Variants in SLC38A8 observed in about 807,000 individuals in gnomAD.
The protein encoded by SLC38A8 is solute carrier family 38 member 8, also known as amino acid transporter SLC38A8.
A neutral mutation model predicts 46.0 loss-of-function variants in SLC38A8; 65 were observed. That is an observed-to-expected ratio of 1.41 (90% CI 1.16 to 1.74). SLC38A8 has a LOEUF of 1.74. Among genes scored for constraint, SLC38A8 ranks in the 40% most tolerant of loss-of-function variants. The pLI is 0.00. For synonymous variants in SLC38A8, 447 were observed against 243.7 expected (o/e 1.83, Z -7.77); for missense variants, 998 against 567.9 (o/e 1.76, Z -7.70).
intron 6 of SLC38A8, among the ~76,000 whole-genome samples, chr16:84,024,860 T>C (rs2085143264): frequency 6.6e-6 from 1 of 152,128 alleles, no homozygotes; most frequent in African/African-American, 2.4e-5. Flanking sequence ...TTTATATTTT[T>C]GGTAGAGACA....
At chr16:84,035,402 A>T (rs531747295) in intron 3 of SLC38A8, among the ~76,000 whole-genome samples, 1 of 152,350 alleles carries the variant, frequency 6.6e-6, no homozygotes, top group East Asian at 1.9e-4. Context: ...CACACAGAAC[A>T]CACACATGGC....
intron 2 of SLC38A8, among the ~76,000 whole-genome samples, chr16:84,040,525 T>A (rs980499200): frequency 6.6e-6 from 1 of 152,326 alleles, no homozygotes; most frequent in South Asian, 2.1e-4. Flanking sequence ...CTCTGGCTCA[T>A]GGCCATTCCT....
intron 4 of SLC38A8, among the ~76,000 whole-genome samples, chr16:84,032,447 A>C (rs1015115712): frequency 6.6e-6 from 1 of 152,224 alleles, no homozygotes; most frequent in Admixed American, 6.5e-5. Context: ...TTGGCCTCCC[A>C]AAGTGCTGGA....
intron 2 of SLC38A8, 30 bp from the exon 3 acceptor site, chr16:84,036,930 G>C (rs981580719): frequency 3.2e-6 from 5 of 1,581,294 alleles, no homozygotes; most frequent in East Asian, 2.3e-5. Context: ...CCTGGAACTG[G>C]GGTGTGCCCA....
Position 84,036,717 on chromosome 16 carries a change from C to A in SLC38A8, c.373G>T (p.Asp125Tyr). 3.7e-6 allele frequency: 6 copies of A among 1,614,180 alleles called. No individual in the cohort carries two copies. The highest frequency in any genetic ancestry group is 5.1e-6 in the Non-Finnish European group (6 of 1,180,042). ...AGGTACTTACGCTTCTCCAGCTGGTCCCCGATCACCCTGAGGAAGGCCACG... is the reference window on the plus strand; with the variant it reads ...AGGTACTTACGCTTCTCCAGCTGGTACCCGATCACCCTGAGGAAGGCCACG... ...ISVAFLRVIG[D>Y]QLEKLCDSLL... The change falls in exon 3 of 11, where the codon GAC becomes TAC. Residue 125 changes from aspartate (D) to tyrosine (Y), a missense_variant. By Grantham distance (160) the Asp-to-Tyr change is radical (BLOSUM62 -3). Coordinates refer to ENST00000299709, the MANE Select transcript of SLC38A8 (RefSeq NM_001080442.3).
Position 84,022,999 on chromosome 16 carries a change from C to A in SLC38A8, c.691-110G>T. On this transcript the variant is annotated intron_variant, in intron 6 of 10. Coordinates refer to ENST00000299709, the MANE Select transcript of SLC38A8 (RefSeq NM_001080442.3). ...AAATGTGGGATATGATGAGGTTTCT[C>A]TTGAAATAGCCTGATCAATCCTTTA... The A allele has an allele frequency of 5.7e-6, 4 of 697,816 alleles. No individual in the cohort carries two copies. In the South Asian group the frequency reaches 7.7e-5, roughly 13 times the overall value. The allele number at this position is 697,816 out of a possible 1,614,324, so 43.2% of individuals were successfully genotyped here.
chr16:84,042,099 G>A lies in SLC38A8; in HGVS notation c.59C>T (p.Ala20Val), dbSNP rs150483726. 3.7e-6 allele frequency: 6 copies of A among 1,614,042 alleles called. No individual in the cohort carries two copies. Among genetic ancestry groups the A allele is most frequent in the Non-Finnish European group, 5.1e-6 (6 of 1,179,990 alleles). The change falls in exon 2 of 11, where the codon GCT becomes GTT. Residue 20 changes from alanine to valine, a missense_variant. Ala to Val is a moderately conservative substitution (Grantham distance 64). Transcript: ENST00000299709. ...GCCCATCGAGGACAGAGTGGCAGCA[G>A]CCGTGGCAGGGTGAGGCTTTTCTGG... ...GLPEKPHPAT[A>V]AATLSSMGAV...
At chr16:84,012,243 C>T (rs1180567348) in intron 10 of SLC38A8, among the ~76,000 whole-genome samples, 2 of 152,226 alleles carry the variant, frequency 1.3e-5, no homozygotes, top group African/African-American at 4.8e-5. Context: ...CCCCAGACTA[C>T]CCAGGGGCGG....
Position 84,033,533 on chromosome 16 carries a change from C to G in SLC38A8, c.389-64G>C, listed in dbSNP as rs1308151623. 3.3e-5 allele frequency: 50 copies of G among 1,506,006 alleles called. No individual in the cohort carries two copies. The Admixed American group carries it at 7.1e-4, about 21-fold the overall frequency. 93.3% of individuals were successfully genotyped at this position (1,506,006 alleles called of 1,614,324 possible). On this transcript the variant is annotated intron_variant, in intron 3 of 10. Transcript: ENST00000299709. ...AATGCCGTGGGTTCTCGGCTCCCAC[C>G]TGGCCCTTCAACCCTGGCTGGGGTT...
In SLC38A8 at chr16:84,030,196, C is replaced by A. The variant is rs567951170; in HGVS notation, c.633-645G>T. On this transcript the variant is annotated intron_variant, in intron 5 of 10. Transcript: ENST00000299709. Reference sequence around the variant, plus strand: ...AGTGATCCGTCTATCAGCCAAGGAACACAGATCGCCGCGGCCCCCAGAAGC... The same window carrying A: ...AGTGATCCGTCTATCAGCCAAGGAAAACAGATCGCCGCGGCCCCCAGAAGC... 4.2e-3 allele frequency among the ~76,000 whole-genome samples: 637 copies of A among 152,246 alleles called. 4 individuals carry two copies. Among genetic ancestry groups the A allele is most frequent in the Non-Finnish European group, 6.3e-3 (429 of 68,018 alleles).
At chr16:84,014,191 G>A (rs933781768) in intron 9 of SLC38A8, among the ~76,000 whole-genome samples, 2 of 150,620 alleles carry the variant, frequency 1.3e-5, no homozygotes, top group African/African-American at 4.9e-5. Flanking sequence ...CCCGCCCAGA[G>A]CCAAGGGAGG....
At chr16:84,021,927 G>T (rs1046544655) in intron 7 of SLC38A8, among the ~76,000 whole-genome samples, 3 of 152,200 alleles carry the variant, frequency 2.0e-5, no homozygotes, top group Non-Finnish European at 4.4e-5. Flanking sequence ...CTGAGTGTGT[G>T]AGCCCAGGTC....
At chr16:84,015,631 T>A (rs16962532) in intron 9 of SLC38A8, among the ~76,000 whole-genome samples, 1,857 of 152,140 alleles carry the variant, frequency 0.012, 38 homozygotes, top group African/African-American at 0.042. Context: ...TAAACGTTCC[T>A]ACGTCAAGAA....
chr16:84,016,665 G>T lies in SLC38A8; in HGVS notation c.1016C>A (p.Ala339Asp), dbSNP rs147289037. 5 of 1,613,516 alleles carry T rather than the reference G, an allele frequency of 3.1e-6. No individual in the cohort carries two copies. The highest frequency in any genetic ancestry group is 1.3e-5 in the African/African-American group (1 of 74,936). ...CLGGWGPSALADPSGLWVRMP... is the reference protein window; with the variant it reads ...CLGGWGPSALDDPSGLWVRMP... Reference sequence around the variant, plus strand: ...CCGGACCCACAGCCCTGAGGGGTCGGCCAGGGCGCTGGGCCCCCATCCCCC... The same window carrying T: ...CCGGACCCACAGCCCTGAGGGGTCGTCCAGGGCGCTGGGCCCCCATCCCCC... The change falls in exon 9 of 11, where the codon GCC (alanine) becomes GAC (aspartate). Residue 339 changes from alanine (A) to aspartate (D), a missense_variant. Ala to Asp is a moderately radical substitution (Grantham distance 126). Coordinates refer to ENST00000299709, the MANE Select transcript of SLC38A8 (RefSeq NM_001080442.3).
intron 6 of SLC38A8, among the ~76,000 whole-genome samples, chr16:84,024,442 G>C (rs889373703): frequency 6.6e-6 from 1 of 152,020 alleles, no homozygotes; most frequent in African/African-American, 2.4e-5. Context: ...GCCTCCCTAA[G>C]TGCTGAGATT....
At chr16:84,013,157 CGCCCA>C in intron 9 of SLC38A8, 105 bp from the exon 10 acceptor site, 2 of 1,313,052 alleles carry the variant, frequency 1.5e-6, no homozygotes, top group Non-Finnish European at 2.1e-6. Flanking sequence ...GCAAGGCCTC[CGCCCA>C]TGGGTGCCCC....
intron 6 of SLC38A8, among the ~76,000 whole-genome samples, chr16:84,025,777 T>C (rs998765291): frequency 1.3e-5 from 2 of 152,244 alleles, no homozygotes; most frequent in African/African-American, 4.8e-5. Context: ...GAGGGCACAG[T>C]GGCCTCCTCC....
At chr16:84,011,235 T>A (rs772497525) in intron 10 of SLC38A8, among the ~76,000 whole-genome samples, 26 of 152,178 alleles carry the variant, frequency 1.7e-4, no homozygotes, top group Non-Finnish European at 3.1e-4. Context: ...AAAGCAGTTT[T>A]AACGATAAAA....
intron 7 of SLC38A8, among the ~76,000 whole-genome samples, chr16:84,022,177 G>T (rs1253288844): frequency 2.0e-5 from 3 of 152,190 alleles, no homozygotes; most frequent in African/African-American, 7.2e-5. Flanking sequence ...ATTCACTGCA[G>T]CCCAAGAGCT....
Sources: allele counts gnomAD v4.1 joint callset (sites outside exome capture counted in the v4.1 genomes callset), GRCh38; gene constraint gnomAD v4.1.1; transcripts MANE v1.5; gene names NCBI Gene and HGNC (gene_info 2026-07-23, HGNC 2026-07-21).